The following ANGPT1 variants were observed in gnomAD, a reference collection of about 807,000 sequenced individuals.
ANGPT1 encodes angiopoietin 1.
ANGPT1 carries 17 observed loss-of-function variants against 62.2 expected under a neutral mutation model. The observed-to-expected ratio is 0.27, with a 90% CI of 0.19 to 0.41. The LOEUF (loss-of-function observed/expected upper bound fraction) is 0.41. Ranked by LOEUF, ANGPT1 falls within the 10% of genes least tolerant of loss-of-function variation. The probability of loss-of-function intolerance (pLI) is 1.00; values close to 1 mark genes in which losing one functional copy is unlikely to be tolerated. For synonymous variants in ANGPT1, 199 were observed against 198.9 expected (o/e 1.00, Z 0.00); for missense variants, 478 against 594.9 (o/e 0.80, Z 2.04).
At chr8:107,259,078 T>C (rs1396072480) in intron 8 of ANGPT1, among the ~76,000 whole-genome samples, 1 of 152,204 alleles carries the variant, frequency 6.6e-6, no homozygotes, top group African/African-American at 2.4e-5. Flanking sequence ...TTACGTTTTA[T>C]GTACTAAATA....
At chr8:107,408,612 A>T (rs1817198287) in intron 1 of ANGPT1, among the ~76,000 whole-genome samples, 1 of 152,194 alleles carries the variant, frequency 6.6e-6, no homozygotes, top group African/African-American at 2.4e-5. Flanking sequence ...GCAATGAAAG[A>T]TGTTTAAATA....
At chr8:107,458,071 C>T (rs1044402010) in intron 1 of ANGPT1, among the ~76,000 whole-genome samples, 1 of 151,966 alleles carries the variant, frequency 6.6e-6, no homozygotes, top group Non-Finnish European at 1.5e-5. Context: ...AAACTGATGG[C>T]CAAGTTGGGA....
At chr8:107,405,967 G>C (rs1817140392) in intron 1 of ANGPT1, among the ~76,000 whole-genome samples, 1 of 151,860 alleles carries the variant, frequency 6.6e-6, no homozygotes, top group Admixed American at 6.6e-5. Context: ...ATTTTAAACT[G>C]TGTGTTTGGG....
chr8:107,259,994 T>C (rs954697687), intron 8 of ANGPT1, among the ~76,000 whole-genome samples: 8 of 152,148 alleles, frequency 5.3e-5, no homozygotes, highest in African/African-American at 9.6e-5. Flanking sequence ...TGTTAAATAG[T>C]AGATAAAACT....
chr8:107,435,716 A>G (rs190455146), intron 1 of ANGPT1, among the ~76,000 whole-genome samples: 5 of 152,360 alleles, frequency 3.3e-5, no homozygotes, highest in African/African-American at 9.6e-5. Context: ...GAAGAGCCCT[A>G]TGATTCAGCA....
intron 1 of ANGPT1, among the ~76,000 whole-genome samples, chr8:107,358,103 G>A (rs1816085777): frequency 6.6e-6 from 1 of 152,138 alleles, no homozygotes; most frequent in African/African-American, 2.4e-5. Context: ...ATATGTGTAT[G>A]CGTGTGTTTT....
intron 8 of ANGPT1, among the ~76,000 whole-genome samples, chr8:107,255,316 G>T (rs1272916014): frequency 6.6e-6 from 1 of 152,152 alleles, no homozygotes; most frequent in East Asian, 1.9e-4. Context: ...GAAGACCAGG[G>T]GAGAGTGTCT....
intron 1 of ANGPT1, among the ~76,000 whole-genome samples, chr8:107,360,863 G>C (rs1032143535): frequency 2.0e-5 from 3 of 152,176 alleles, no homozygotes; most frequent in African/African-American, 7.2e-5. Context: ...GAATCAACAT[G>C]TGGCAAGACA....
Position 107,249,805 on chromosome 8 carries a change from G to A in ANGPT1, c.*2050C>T, listed in dbSNP as rs911681347. On this transcript the variant is annotated 3_prime_UTR_variant, in exon 9 of 9. Transcript: ENST00000517746. ...TATTTTGTTTTTGTAATATGAGTTT[G>A]GAAATAGTATTCTTTATCCAAAAAC... is the stretch of plus-strand genomic sequence containing the variant. 4 of 151,952 alleles carry A rather than the reference G, an allele frequency of 2.6e-5. No homozygotes were observed. Among genetic ancestry groups the A allele is most frequent in the Non-Finnish European group, 5.9e-5 (4 of 67,930 alleles). 9.4% of individuals were successfully genotyped at this position (151,952 alleles called of 1,614,324 possible). A position where few individuals can be genotyped will look rare whatever the true frequency, so the allele number is the denominator to read the frequency against.
At chr8:107,332,005 G>A (rs192433688) in intron 3 of ANGPT1, among the ~76,000 whole-genome samples, 32 of 152,248 alleles carry the variant, frequency 2.1e-4, no homozygotes, top group African/African-American at 7.2e-4. Flanking sequence ...AGTCAGAGAT[G>A]GGCGGGTGCT....
intron 1 of ANGPT1, among the ~76,000 whole-genome samples, chr8:107,407,258 T>C (rs1037488501): frequency 3.0e-5 from 3 of 98,740 alleles, no homozygotes; most frequent in South Asian, 3.5e-4. Context: ...CAGAACTCAA[T>C]GTAGACCATG....
chr8:107,379,857 T>C (rs1269987416), intron 1 of ANGPT1, among the ~76,000 whole-genome samples: 2 of 152,154 alleles, frequency 1.3e-5, no homozygotes, highest in South Asian at 2.1e-4. Flanking sequence ...AATTAGATTG[T>C]TATTGTTATT....
At chr8:107,374,995 A>G (rs1816499496) in intron 1 of ANGPT1, among the ~76,000 whole-genome samples, 1 of 152,096 alleles carries the variant, frequency 6.6e-6, no homozygotes, top group South Asian at 2.1e-4. Context: ...CCCTGTCTCT[A>G]CTAAAAATAC....
At chr8:107,322,280 C>T in intron 3 of ANGPT1, 152 bp from the exon 4 acceptor site, 4 of 630,578 alleles carry the variant, frequency 6.3e-6, no homozygotes, top group Non-Finnish European at 1.1e-5. Context: ...AATATGTATT[C>T]TTCAGAATAG....
chr8:107,298,161 C>A (rs1814465700), intron 5 of ANGPT1, among the ~76,000 whole-genome samples: 1 of 151,842 alleles, frequency 6.6e-6, no homozygotes, highest in Admixed American at 6.6e-5. Context: ...GAGGCTTAAA[C>A]CCAAACAAAA....
At position 107,493,283 on chromosome 8, in the gene ANGPT1, G is replaced by C. The variant is rs1813012530; in HGVS notation, c.297+3979C>G. Among the ~76,000 whole-genome samples, 2 of 150,380 alleles carry C rather than the reference G, an allele frequency of 1.3e-5. 1 individual carries two copies. Among genetic ancestry groups the C allele is most frequent in the Non-Finnish European group, 3.0e-5 (2 of 67,734 alleles). On this transcript the variant is annotated intron_variant, in intron 1 of 8. Coordinates refer to ENST00000517746, the MANE Select transcript of ANGPT1 (RefSeq NM_001146.5). ...TTAAAACAACCACCACAACAACTTTGAACTACAGCATTAACATGATACAGT... is the reference window on the plus strand; with the variant it reads ...TTAAAACAACCACCACAACAACTTTCAACTACAGCATTAACATGATACAGT...
At chr8:107,311,066 A>G (rs947979741) in intron 4 of ANGPT1, among the ~76,000 whole-genome samples, 2 of 151,216 alleles carry the variant, frequency 1.3e-5, no homozygotes, top group Admixed American at 1.3e-4. Flanking sequence ...TCAGGCATGG[A>G]GACAAGAAAT....
chr8:107,298,793 G>A (rs1276158452), intron 5 of ANGPT1, among the ~76,000 whole-genome samples: 1 of 151,632 alleles, frequency 6.6e-6, no homozygotes, highest in East Asian at 1.9e-4. Context: ...TCCATACCAT[G>A]CATATTTGAT....
intron 1 of ANGPT1, among the ~76,000 whole-genome samples, chr8:107,370,545 T>TA (rs533358532): frequency 0.011 from 557 of 50,190 alleles, 5 homozygotes; most frequent in African/African-American, 0.042. Context: ...CTACTAAAAA[T>TA]AAAAAAATTA....
Sources: gnomAD v4.1 joint callset for allele counts (sites outside exome capture counted in the v4.1 genomes callset) on GRCh38, gnomAD v4.1.1 for gene constraint, MANE v1.5 for transcripts, NCBI Gene and HGNC (gene_info 2026-07-23, HGNC 2026-07-21) for gene names.